RGS7: variants seen among roughly 807,000 people sequenced by gnomAD.
The protein encoded by RGS7 is regulator of G protein signaling 7.
In RGS7, 27 loss-of-function variants were observed where a neutral mutation model predicts 81.1. The ratio of observed to expected loss-of-function variants is 0.33; its 90% CI spans 0.25 to 0.46. RGS7 has a LOEUF of 0.46. Among genes scored for constraint, RGS7 ranks in the 20% least tolerant of loss-of-function variants. RGS7 has a pLI of 1.00. For synonymous variants in RGS7, 208 were observed against 207.7 expected, an observed-to-expected ratio of 1.00 and a Z score of -0.01; for missense variants, 396 against 607.4, an observed-to-expected ratio of 0.65 and a Z score of 3.66.
chr1:241,342,197 C>A (rs1470178071), intron 2 of RGS7, among the ~76,000 whole-genome samples: 3 of 152,178 alleles, frequency 2.0e-5, no homozygotes, highest in Admixed American at 6.5e-5. Context: ...AAGTCTTATA[C>A]TGCCTGGATA....
chr1:240,953,940 A>T (rs1679952816), intron 4 of RGS7, among the ~76,000 whole-genome samples: 1 of 152,050 alleles, frequency 6.6e-6, no homozygotes, highest in Admixed American at 6.5e-5. Flanking sequence ...GATCCATAGA[A>T]TTAAAAGATA....
chr1:240,866,948 C>G (rs1663415629), intron 9 of RGS7, among the ~76,000 whole-genome samples: 1 of 152,120 alleles, frequency 6.6e-6, no homozygotes, highest in Admixed American at 6.5e-5. Context: ...ACCAGATGTC[C>G]AGGGGACAAA....
At chr1:241,014,351 A>C (rs569642130) in intron 3 of RGS7, among the ~76,000 whole-genome samples, 51 of 152,320 alleles carry the variant, frequency 3.3e-4, no homozygotes, top group African/African-American at 1.2e-3. Flanking sequence ...TCCAACAACC[A>C]GGTGGCATTG....
chr1:241,262,927 C>T (rs1396214154), intron 2 of RGS7, among the ~76,000 whole-genome samples: 1 of 151,980 alleles, frequency 6.6e-6, no homozygotes, highest in Non-Finnish European at 1.5e-5. Context: ...GGTGAAACGC[C>T]GTCTCTACTA....
intron 2 of RGS7, among the ~76,000 whole-genome samples, chr1:241,123,475 A>G (rs1371803753): frequency 1.3e-5 from 2 of 152,132 alleles, no homozygotes; most frequent in Non-Finnish European, 2.9e-5. Flanking sequence ...CATGGGCCGG[A>G]CACGGTGGCT....
At chr1:240,780,913 CAAAAA>C (rs35853032) in intron 18 of RGS7, among the ~76,000 whole-genome samples, 1 of 64,224 alleles carries the variant, frequency 1.6e-5, no homozygotes, top group African/African-American at 4.9e-5. Flanking sequence ...GACTCTGTCT[CAAAAA>C]AAAAAAAAAA....
At chr1:240,930,816 AG>A in intron 5 of RGS7, 48 bp from the exon 6 acceptor site, 1 of 1,569,972 alleles carries the variant, frequency 6.4e-7, no homozygotes, top group Non-Finnish European at 8.8e-7. Context: ...ATAAAAAATT[AG>A]TGGAGTTTCT....
At chr1:241,295,838 G>C (rs1201488172) in intron 2 of RGS7, among the ~76,000 whole-genome samples, 4 of 152,212 alleles carry the variant, frequency 2.6e-5, no homozygotes, top group South Asian at 2.1e-4. Flanking sequence ...TGACAAAAGA[G>C]AGGACATGGT....
chr1:241,030,466 C>T (rs115212905), intron 3 of RGS7, among the ~76,000 whole-genome samples: 187 of 139,014 alleles, frequency 1.3e-3, no homozygotes, highest in Non-Finnish European at 2.6e-3. Flanking sequence ...CATATACAAA[C>T]ATATATGCAT....
intron 4 of RGS7, among the ~76,000 whole-genome samples, chr1:240,961,769 G>A (rs1160411181): frequency 1.3e-5 from 2 of 152,156 alleles, no homozygotes; most frequent in Non-Finnish European, 2.9e-5. Flanking sequence ...GCAGAGAGTT[G>A]CAAATTCAGA....
chr1:240,990,007 C>G (rs754268014), intron 3 of RGS7, among the ~76,000 whole-genome samples: 2 of 152,138 alleles, frequency 1.3e-5, no homozygotes, highest in Non-Finnish European at 2.9e-5. Context: ...CTCACAGCTC[C>G]TGGGTTAAAA....
chr1:240,806,263 C>T lies in RGS7; in HGVS notation c.1146G>A (p.Gln382=). The change falls in exon 15 of 19, where the codon CAG becomes CAA. Residue 382 remains glutamine, a synonymous_variant. Transcript: ENST00000440928. ...GAGCCAGAAACTCTTGCCATATTTC[C>T]TGAACTCTTGAGGGTACTTCTTTAA... ...RPIKEVPSRV[Q]EIWQEFLAPG... The T allele has an allele frequency of 6.2e-7, 1 of 1,614,022 alleles. No individual in the cohort carries two copies. Among genetic ancestry groups the T allele is most frequent in the South Asian group, 1.1e-5 (1 of 91,082 alleles).
At chr1:241,041,786 TTTTAACTCA>T (rs1231359618) in intron 3 of RGS7, among the ~76,000 whole-genome samples, 3,636 of 152,134 alleles carry the variant, frequency 0.024, 157 homozygotes, top group African/African-American at 0.082. Context: ...AGGCTCAGGG[TTTTAACTCA>T]GGACACTTAC....
chr1:241,216,970 T>C (rs2074596728), intron 2 of RGS7, among the ~76,000 whole-genome samples: 1 of 152,244 alleles, frequency 6.6e-6, no homozygotes, highest in African/African-American at 2.4e-5. Context: ...ATTTCATTAT[T>C]GTTAATTGCC....
chr1:241,259,667 A>AAAAAAAAAAATATATATATATATATATAT, intron 2 of RGS7, among the ~76,000 whole-genome samples: 1 of 49,144 alleles, frequency 2.0e-5, no homozygotes, highest in Non-Finnish European at 3.6e-5. Context: ...AAAAAAAAAA[A>AAAAAAAAAAATATATATATATATATATAT]ATATATATAT....
chr1:241,083,128 G>A (rs1259249090), intron 3 of RGS7, among the ~76,000 whole-genome samples: 2 of 151,586 alleles, frequency 1.3e-5, no homozygotes, highest in Non-Finnish European at 2.9e-5. Context: ...GGGAGGCTGA[G>A]GCAGAAGGCT....
chr1:240,960,508 C>T, intron 4 of RGS7, among the ~76,000 whole-genome samples: 1 of 148,270 alleles, frequency 6.7e-6, no homozygotes, highest in Non-Finnish European at 1.5e-5. Flanking sequence ...TTCCAAAGTG[C>T]TAGGATTACA....
At chr1:241,156,596 C>G (rs1405769978) in intron 2 of RGS7, among the ~76,000 whole-genome samples, 1 of 81,696 alleles carries the variant, frequency 1.2e-5, no homozygotes, top group East Asian at 3.3e-4. Flanking sequence ...GGAGGGGAGA[C>G]GAGGGGAGGG....
chr1:241,146,015 G>T (rs1215222310), intron 2 of RGS7, among the ~76,000 whole-genome samples: 1 of 152,046 alleles, frequency 6.6e-6, no homozygotes, highest in Admixed American at 6.6e-5. Context: ...AAAATAAACC[G>T]TTTTTTATCT....
Sources: allele counts gnomAD v4.1 joint callset (sites outside exome capture counted in the v4.1 genomes callset), GRCh38; gene constraint gnomAD v4.1.1; transcripts MANE v1.5; gene names NCBI Gene and HGNC (gene_info 2026-07-23, HGNC 2026-07-21).